The following C4orf50 variants were observed in gnomAD, a reference collection of about 807,000 sequenced individuals.
C4orf50 encodes uncharacterized protein C4orf50.
In C4orf50, 80 loss-of-function variants were observed where a neutral mutation model predicts 77.2. The observed-to-expected ratio is 1.04, with a 90% CI of 0.87 to 1.25. The LOEUF (loss-of-function observed/expected upper bound fraction) is 1.25, where lower values mean the gene tolerates loss of function less well. Among genes scored for constraint, C4orf50 ranks in the 50% most tolerant of loss-of-function variants. C4orf50 has a pLI of 0.00. For missense variants in C4orf50, 1,257 were observed against 1,152.9 expected (o/e 1.09, Z -1.31); for synonymous variants, 532 against 465.3 (o/e 1.14, Z -1.84).
chr4:5,976,756 G>A (rs1338188561), intron 29 of C4orf50, among the ~76,000 whole-genome samples: 1 of 152,232 alleles, frequency 6.6e-6, no homozygotes, highest in Non-Finnish European at 1.5e-5. Flanking sequence ...TCCATGTAAA[G>A]TGCTTAGAAC....
chr4:5,902,147 C>A (rs564332618), intron 7 of C4orf50: 1 of 152,232 alleles, frequency 6.6e-6, no homozygotes, highest in Non-Finnish European at 1.5e-5. Context: ...GGAAACCACA[C>A]TTTTCCTTGT....
intron 25 of C4orf50, among the ~76,000 whole-genome samples, chr4:6,004,223 GAT>G (rs1577992154): frequency 2.4e-4 from 18 of 76,088 alleles, no homozygotes; most frequent in South Asian, 1.0e-3. Flanking sequence ...TGATGGTGAT[GAT>G]GTGATGGTGA....
At chr4:5,940,924 T>G (rs1279512190) in intron 7 of C4orf50, among the ~76,000 whole-genome samples, 1 of 152,164 alleles carries the variant, frequency 6.6e-6, no homozygotes, top group African/African-American at 2.4e-5. Context: ...AACTGATGCC[T>G]AGCACCAATG....
intron 7 of C4orf50, among the ~76,000 whole-genome samples, chr4:5,927,193 G>A (rs918217213): frequency 6.6e-6 from 1 of 152,124 alleles, no homozygotes; most frequent in Non-Finnish European, 1.5e-5. Context: ...ACAGGCCATG[G>A]AAGAGACACT....
intron 25 of C4orf50, among the ~76,000 whole-genome samples, chr4:6,005,695 G>T (rs1348302484): frequency 2.6e-5 from 4 of 152,212 alleles, no homozygotes; most frequent in African/African-American, 7.2e-5. Context: ...CTGTCCTAAG[G>T]ATTACATGAG....
At chr4:5,963,303 A>G (rs1022967969) in intron 33 of C4orf50, among the ~76,000 whole-genome samples, 1 of 152,040 alleles carries the variant, frequency 6.6e-6, no homozygotes, top group African/African-American at 2.4e-5. Context: ...CCTGCCTAGA[A>G]TATCTTCTAC....
chr4:5,935,223 TG>T (rs1481530053), intron 7 of C4orf50, among the ~76,000 whole-genome samples: 2 of 152,328 alleles, frequency 1.3e-5, no homozygotes, highest in African/African-American at 4.8e-5. Flanking sequence ...CCCTGGCCTC[TG>T]TAAACCAGGG....
intron 7 of C4orf50, among the ~76,000 whole-genome samples, chr4:5,921,006 C>G (rs965428304): frequency 1.3e-5 from 2 of 152,212 alleles, no homozygotes; most frequent in Non-Finnish European, 2.9e-5. Context: ...CTGAAGAACT[C>G]TGACCACAGC....
At chr4:6,004,287 TGGTG>T in intron 25 of C4orf50, among the ~76,000 whole-genome samples, 1 of 62,762 alleles carries the variant, frequency 1.6e-5, no homozygotes, top group Admixed American at 2.0e-4. Context: ...ATGGTGATGT[TGGTG>T]ATGATGGTGA....
At chr4:5,973,986 G>A (rs936303641) in intron 30 of C4orf50, 145 bp from the exon 9 acceptor site, 30 of 665,866 alleles carry the variant, frequency 4.5e-5, no homozygotes, top group African/African-American at 1.5e-4. Context: ...TCCTCCCTGC[G>A]AAGCCTCCCT....
At chr4:5,909,482 T>G (rs1313445089) in intron 7 of C4orf50, among the ~76,000 whole-genome samples, 1 of 152,252 alleles carries the variant, frequency 6.6e-6, no homozygotes, top group African/African-American at 2.4e-5. Context: ...CTGTTGATTG[T>G]TTCCTTTGCT....
intron 7 of C4orf50, among the ~76,000 whole-genome samples, chr4:5,943,405 A>C (rs1718346190): frequency 1.3e-5 from 2 of 152,182 alleles, no homozygotes; most frequent in Non-Finnish European, 2.9e-5. Flanking sequence ...GCACCTTTGC[A>C]CTGATGTCCA....
intron 25 of C4orf50, among the ~76,000 whole-genome samples, chr4:6,002,476 T>A (rs935959776): frequency 6.6e-6 from 1 of 152,218 alleles, no homozygotes; most frequent in Non-Finnish European, 1.5e-5. Context: ...GCCTGTTTCC[T>A]CAAGGCCCAA....
At chr4:5,987,775 G>A (rs552685981) in intron 28 of C4orf50, among the ~76,000 whole-genome samples, 7 of 152,274 alleles carry the variant, frequency 4.6e-5, no homozygotes, top group Middle Eastern at 3.4e-3. Flanking sequence ...GAAGGCCACC[G>A]TAGGAACATT....
At chr4:5,935,189 G>A (rs1400240645) in intron 7 of C4orf50, among the ~76,000 whole-genome samples, 1 of 152,174 alleles carries the variant, frequency 6.6e-6, no homozygotes, top group East Asian at 1.9e-4. Context: ...GAGCAATGGT[G>A]CCACTGCCAC....
chr4:5,930,150 G>T (rs1353540481), intron 7 of C4orf50, among the ~76,000 whole-genome samples: 1 of 152,216 alleles, frequency 6.6e-6, no homozygotes, highest in Non-Finnish European at 1.5e-5. Context: ...GAATCGGGGA[G>T]CCTGGACTCA....
intron 33 of C4orf50, among the ~76,000 whole-genome samples, chr4:5,962,376 C>A (rs1444346324): frequency 6.6e-6 from 1 of 152,226 alleles, no homozygotes; most frequent in Non-Finnish European, 1.5e-5. Flanking sequence ...GAACACCTGA[C>A]CAACTTGGAA....
intron 25 of C4orf50, among the ~76,000 whole-genome samples, chr4:6,003,633 GTGATGATGTGATAGTGA>G: frequency 8.4e-6 from 1 of 119,562 alleles, no homozygotes; most frequent in African/African-American, 3.2e-5. Flanking sequence ...GGTGATGACG[GTGATGATGTGATAGTGA>G]TGATGGTGAT....
chr4:5,995,474 AACACACACACACACAC>A lies in C4orf50; in HGVS notation c.964-1014_964-999del, dbSNP rs55858229. On this transcript the variant is annotated intron_variant, in intron 25 of 33. Transcript: ENST00000531445. ...CACAGGGGAGAGGCTTGGGACTGGA[AACACACACACACACAC>A]ACACACACACACACACACACACACA... is the stretch of plus-strand genomic sequence containing the variant. 2.8e-4 allele frequency among the ~76,000 whole-genome samples: 38 copies of A among 134,058 alleles called. No homozygotes were observed. The South Asian group carries it at 4.3e-3, about 15-fold the overall frequency. The allele number at this position is 134,058 out of a possible 152,430, so 87.9% of individuals were successfully genotyped here.
Sources: allele counts gnomAD v4.1 joint callset (sites outside exome capture counted in the v4.1 genomes callset), GRCh38; gene constraint gnomAD v4.1.1; transcripts MANE v1.5; gene names NCBI Gene and HGNC (gene_info 2026-07-23, HGNC 2026-07-21).